Variants in SNX29 observed in about 807,000 individuals in gnomAD.
The protein encoded by SNX29 is sorting nexin 29.
A neutral mutation model predicts 102.1 loss-of-function variants in SNX29; 78 were observed. The observed-to-expected ratio is 0.76, with a 90% CI of 0.64 to 0.92. SNX29 has a LOEUF of 0.92. SNX29 is among the 40% of genes least tolerant of loss of function. SNX29 has a pLI of 0.00. For missense variants in SNX29, 1,280 were observed against 1,061.7 expected (o/e 1.21, Z -2.86); for synonymous variants, 580 against 414.5 (o/e 1.40, Z -4.85).
chr16:12,060,857 A>G, intron 8 of SNX29: 1 of 456,312 alleles, frequency 2.2e-6, no homozygotes, highest in Non-Finnish European at 4.4e-6. Flanking sequence ...TGACAGTATA[A>G]CAGATCATAT....
rs148122670 is a variant in SNX29, at chr16:12,309,458, G to C, written c.1782+31422G>C. ...AGTAACCTGTCCCCTCCCATCTGTTGCTCTCTTGGCCCCTCTGTCTCATTT... is the reference window on the plus strand; with the variant it reads ...AGTAACCTGTCCCCTCCCATCTGTTCCTCTCTTGGCCCCTCTGTCTCATTT... On this transcript the variant is annotated intron_variant, in intron 15 of 20. Coordinates refer to ENST00000566228, the MANE Select transcript of SNX29 (RefSeq NM_032167.5). 1.1e-4 allele frequency among the ~76,000 whole-genome samples: 16 copies of C among 152,170 alleles called. No individual in the cohort carries two copies. In the East Asian group the frequency reaches 3.1e-3, roughly 29 times the overall value.
intron 18 of SNX29, among the ~76,000 whole-genome samples, chr16:12,406,817 G>A (rs1291185502): frequency 1.3e-5 from 2 of 152,182 alleles, no homozygotes; most frequent in Non-Finnish European, 2.9e-5. Flanking sequence ...GCTGAGACAG[G>A]ACAATCGCTT....
chr16:12,429,671 C>T (rs1467826223), intron 18 of SNX29, among the ~76,000 whole-genome samples: 1 of 152,256 alleles, frequency 6.6e-6, no homozygotes, highest in Admixed American at 6.5e-5. Flanking sequence ...ATCACGCTGT[C>T]ATATCATTTC....
chr16:12,532,774 C>G (rs74009123), intron 20 of SNX29, among the ~76,000 whole-genome samples: 9,334 of 152,192 alleles, frequency 0.061, 363 homozygotes, highest in African/African-American at 0.1. Context: ...AGCCTGGAGT[C>G]CATGGGGCAG....
rs141466816 is a variant in SNX29, at chr16:12,324,412, G to A, written c.1783-31751G>A. On this transcript the variant is annotated intron_variant, in intron 15 of 20. Coordinates refer to ENST00000566228, the MANE Select transcript of SNX29 (RefSeq NM_032167.5). ...TTCTCGCCCTGTGGAAATGCTCTTGGCATTTCAGTGCTGGCATCTGTTTTT... is the reference window on the plus strand; with the variant it reads ...TTCTCGCCCTGTGGAAATGCTCTTGACATTTCAGTGCTGGCATCTGTTTTT... 1.1e-4 allele frequency among the ~76,000 whole-genome samples: 16 copies of A among 152,072 alleles called. No homozygotes were observed. The East Asian group carries it at 3.1e-3, about 29-fold the overall frequency.
At chr16:12,338,572 T>C (rs1377869736) in intron 15 of SNX29, among the ~76,000 whole-genome samples, 2 of 152,160 alleles carry the variant, frequency 1.3e-5, no homozygotes, top group African/African-American at 4.8e-5. Context: ...ATGAGAAAAC[T>C]GAGTCTCAGA....
At chr16:12,082,768 C>T (rs1168088879) in intron 11 of SNX29, among the ~76,000 whole-genome samples, 2 of 152,032 alleles carry the variant, frequency 1.3e-5, no homozygotes, top group Non-Finnish European at 2.9e-5. Flanking sequence ...GTGCCTGTAC[C>T]TTTAGGAGTC....
At chr16:12,353,043 C>T (rs1013993126) in intron 15 of SNX29, among the ~76,000 whole-genome samples, 32 of 152,278 alleles carry the variant, frequency 2.1e-4, no homozygotes, top group African/African-American at 7.5e-4. Context: ...AGATAGGTGA[C>T]TCCCGAATGT....
At chr16:12,008,060 C>T (rs1417865901) in intron 3 of SNX29, among the ~76,000 whole-genome samples, 1 of 152,178 alleles carries the variant, frequency 6.6e-6, no homozygotes, top group Non-Finnish European at 1.5e-5. Context: ...TCTCCTGCCT[C>T]AGCCTCCCAT....
intron 20 of SNX29, among the ~76,000 whole-genome samples, chr16:12,561,513 A>G (rs772835884): frequency 1.2e-4 from 18 of 152,298 alleles, no homozygotes; most frequent in Non-Finnish European, 1.8e-4. Flanking sequence ...CAGGTGAAAC[A>G]AAGTGAAAAG....
At chr16:12,084,561 C>T (rs1363606353) in intron 11 of SNX29, among the ~76,000 whole-genome samples, 1 of 152,202 alleles carries the variant, frequency 6.6e-6, no homozygotes, top group Non-Finnish European at 1.5e-5. Flanking sequence ...GGAGTTGCAG[C>T]TGTGCCTGTT....
In SNX29 at chr16:12,493,807, G is replaced by C. The variant is rs145346968; in HGVS notation, c.2178+15948G>C. Among the ~76,000 whole-genome samples the C allele has an allele frequency of 5.3e-5, 8 of 152,280 alleles. No homozygotes were observed. The East Asian group carries it at 1.5e-3, about 29-fold the overall frequency. ...GGGTTTCACCATGTTGGCCAGACTGGTTGCAAACTCCTGACCTCAGATGAT... is the reference window on the plus strand; with the variant it reads ...GGGTTTCACCATGTTGGCCAGACTGCTTGCAAACTCCTGACCTCAGATGAT... On this transcript the variant is annotated intron_variant, in intron 19 of 20. Transcript: ENST00000566228.
chr16:12,095,864 T>G (rs773472732), intron 11 of SNX29, among the ~76,000 whole-genome samples: 3 of 152,246 alleles, frequency 2.0e-5, no homozygotes, highest in Non-Finnish European at 4.4e-5. Context: ...TAGGCTGTGT[T>G]GAGGGGGTCC....
chr16:12,561,585 C>G (rs1257923326), intron 20 of SNX29, among the ~76,000 whole-genome samples: 1 of 152,192 alleles, frequency 6.6e-6, no homozygotes, highest in African/African-American at 2.4e-5. Context: ...TTAATGTCAG[C>G]CGCATGCTGG....
chr16:12,049,199 T>C (rs11859801), intron 7 of SNX29, among the ~76,000 whole-genome samples: 60,968 of 151,782 alleles, frequency 0.4, 12,824 homozygotes, highest in Middle Eastern at 0.51. Context: ...AGCAAAAGAG[T>C]TGATTCAGGC....
intron 3 of SNX29, among the ~76,000 whole-genome samples, chr16:12,008,196 G>C (rs1322976998): frequency 6.6e-6 from 1 of 152,034 alleles, no homozygotes; most frequent in Non-Finnish European, 1.5e-5. Context: ...CGCCCGCCTC[G>C]GCCTCCCAAA....
chr16:12,181,629 C>A (rs184957748), intron 13 of SNX29, among the ~76,000 whole-genome samples: 400 of 151,782 alleles, frequency 2.6e-3, no homozygotes, highest in Middle Eastern at 3.4e-3. Context: ...TTCCAAGGAG[C>A]ACCTGTTGGT....
At position 12,002,976 on chromosome 16, in the gene SNX29, T is replaced by G. The variant is rs762702625; in HGVS notation, c.70-15T>G. 2 of 1,614,198 alleles carry G rather than the reference T, an allele frequency of 1.2e-6. No individual in the cohort carries two copies. The highest frequency in any genetic ancestry group is 1.7e-6 in the Non-Finnish European group (2 of 1,180,018). On this transcript the variant is annotated splice_polypyrimidine_tract_variant and intron_variant, in intron 2 of 20. Coordinates refer to ENST00000566228, the MANE Select transcript of SNX29 (RefSeq NM_032167.5). ...ATCCCAACAGCTGATCTCAGCAGCT[T>G]CTTTTTCTGTGCAGTGCCAGATCCG...
At chr16:12,085,602 T>C (rs1326216590) in intron 11 of SNX29, among the ~76,000 whole-genome samples, 2 of 152,186 alleles carry the variant, frequency 1.3e-5, no homozygotes, top group East Asian at 1.9e-4. Context: ...GGTGGGATTA[T>C]AGGCGTGAGC....
Sources: allele counts gnomAD v4.1 joint callset (sites outside exome capture counted in the v4.1 genomes callset), GRCh38; gene constraint gnomAD v4.1.1; transcripts MANE v1.5; gene names NCBI Gene and HGNC (gene_info 2026-07-23, HGNC 2026-07-21).